The following LRCH1 variants were observed in gnomAD, a reference collection of about 807,000 sequenced individuals.
LRCH1 encodes leucine rich repeats and calponin homology domain containing 1, also known as leucine-rich repeat and calponin homology domain-containing protein 1.
LRCH1 carries 23 observed loss-of-function variants against 94.9 expected under a neutral mutation model. The ratio of observed to expected loss-of-function variants is 0.24; its 90% CI spans 0.17 to 0.34. LRCH1 has a LOEUF of 0.34. Ranked by LOEUF, LRCH1 falls within the 10% of genes least tolerant of loss-of-function variation. The probability of loss-of-function intolerance (pLI) is 1.00; values close to 1 mark genes in which losing one functional copy is unlikely to be tolerated. For missense variants in LRCH1, 790 were observed against 945.9 expected (o/e 0.84, Z 2.16); for synonymous variants, 364 against 354.9 (o/e 1.03, Z -0.29).
At chr13:46,690,826 T>C (rs1870857893) in intron 7 of LRCH1, among the ~76,000 whole-genome samples, 1 of 152,238 alleles carries the variant, frequency 6.6e-6, no homozygotes, top group Non-Finnish European at 1.5e-5. Context: ...TATTTTCACT[T>C]GGTTTGGCAA....
At chr13:46,642,536 A>C (rs1171082801) in intron 1 of LRCH1, among the ~76,000 whole-genome samples, 1 of 152,174 alleles carries the variant, frequency 6.6e-6, no homozygotes, top group Non-Finnish European at 1.5e-5. Flanking sequence ...ATGATGGACA[A>C]CTCAAAATAC....
intron 1 of LRCH1, among the ~76,000 whole-genome samples, chr13:46,635,765 C>G (rs2051079509): frequency 6.6e-6 from 1 of 152,118 alleles, no homozygotes; most frequent in African/African-American, 2.4e-5. Context: ...GCCACCGCAC[C>G]CGGCCCCCTC....
chr13:46,652,456 T>G (rs2051319830), intron 2 of LRCH1, among the ~76,000 whole-genome samples: 1 of 152,124 alleles, frequency 6.6e-6, no homozygotes, highest in Admixed American at 6.5e-5. Flanking sequence ...CTTAACTTCT[T>G]TTTGGTAAAT....
chr13:46,730,069 CAG>C (rs1303435635), intron 18 of LRCH1, among the ~76,000 whole-genome samples: 1 of 152,110 alleles, frequency 6.6e-6, no homozygotes, highest in Non-Finnish European at 1.5e-5. Flanking sequence ...GGAGGAATCA[CAG>C]ATAAACTTGT....
rs1275898894 is a variant in LRCH1 at position 46,553,427 on chromosome 13, T to C, written c.31T>C (p.Phe11Leu). Residue 11 changes from phenylalanine to leucine, a missense_variant, in exon 1 of 20, where the codon TTC becomes CTC. Physicochemically the swap from Phe to Leu is conservative, Grantham distance 22. This residue lies in a region of LRCH1 where 136 missense variants were observed against 143.5 expected (regional missense o/e 0.95). Transcript: ENST00000389797. The part of the protein sequence containing the change: MATPGSEPQP[F>L]VPALSVATLH... ...GACGCCGGGAAGCGAACCCCAACCT[T>C]TCGTCCCGGCCCTTTCGGTAGCTAC... 5 of 1,546,726 alleles carry C rather than the reference T, an allele frequency of 3.2e-6. No homozygotes were observed. The highest frequency in any genetic ancestry group is 3.5e-6 in the Non-Finnish European group (4 of 1,145,974).
chr13:46,685,941 C>T lies in LRCH1; in HGVS notation c.722C>T (p.Ser241Phe). ...CTTTCCTTGGTAAAGTTTGACTTTT[C>T]CTGCAACAAAGTGCTCGTGATTCCA... ...VDLSLVKFDF[S>F]CNKVLVIPIC... Residue 241 changes from serine (S) to phenylalanine (F), a missense_variant, in exon 5 of 20, where the codon TCC becomes TTC. Around this residue, in one of 3 missense-constraint regions of LRCH1, gnomAD observed 194 missense variants for 293.5 expected, o/e 0.66. Coordinates refer to ENST00000389797, the MANE Select transcript of LRCH1 (RefSeq NM_001164211.2). The T allele has an allele frequency of 6.2e-7, 1 of 1,606,154 alleles. No homozygotes were observed. The highest frequency in any genetic ancestry group is 8.5e-7 in the Non-Finnish European group (1 of 1,177,156).
chr13:46,599,017 A>C (rs1402933020), intron 1 of LRCH1, among the ~76,000 whole-genome samples: 2 of 152,198 alleles, frequency 1.3e-5, no homozygotes, highest in Non-Finnish European at 2.9e-5. Context: ...AGCCCCTGGA[A>C]ACCACCATTC....
At chr13:46,691,846 C>A (rs538493605) in intron 7 of LRCH1, among the ~76,000 whole-genome samples, 1 of 152,136 alleles carries the variant, frequency 6.6e-6, no homozygotes. Context: ...TGTGCCACCA[C>A]GCCCAGCTAA....
At chr13:46,650,737 A>G (rs1373932089) in intron 2 of LRCH1, among the ~76,000 whole-genome samples, 3 of 147,442 alleles carry the variant, frequency 2.0e-5, no homozygotes, top group African/African-American at 7.4e-5. Context: ...AAAAAAAAAA[A>G]AAAAAGAGAA....
At chr13:46,705,630 G>A in intron 13 of LRCH1, 1 of 468,200 alleles carries the variant, frequency 2.1e-6, no homozygotes, top group East Asian at 4.3e-5. Flanking sequence ...GAACCTGGAG[G>A]AGGACCATTC....
chr13:46,721,265 C>T (rs1488264949), intron 16 of LRCH1, among the ~76,000 whole-genome samples: 1 of 152,042 alleles, frequency 6.6e-6, no homozygotes, highest in Non-Finnish European at 1.5e-5. Flanking sequence ...AAGATTACCC[C>T]CAGAAAAAAG....
In LRCH1 at chr13:46,744,889, T is replaced by G. The variant is rs747208381; in HGVS notation, c.*3041T>G. ...AATTAGTTCTCAATAAACAATCAAT[T>G]TGGTATATAGAATGTGCCCTTTTTT... is the stretch of plus-strand genomic sequence containing the variant. On this transcript the variant is annotated 3_prime_UTR_variant, in exon 20 of 20. Coordinates refer to ENST00000389797, the MANE Select transcript of LRCH1 (RefSeq NM_001164211.2). 6 of 984,912 alleles carry G rather than the reference T, an allele frequency of 6.1e-6. No homozygotes were observed. The highest frequency in any genetic ancestry group is 7.2e-6 in the Non-Finnish European group (6 of 829,664). 61.0% of individuals were successfully genotyped at this position (984,912 alleles called of 1,614,324 possible).
intron 1 of LRCH1, among the ~76,000 whole-genome samples, chr13:46,564,128 G>T (rs1385031936): frequency 2.0e-5 from 3 of 152,188 alleles, no homozygotes; most frequent in Non-Finnish European, 4.4e-5. Flanking sequence ...GACTGCATGT[G>T]GTTTGAGGGA....
At chr13:46,709,951 T>C (rs998424625) in intron 13 of LRCH1, among the ~76,000 whole-genome samples, 1 of 152,206 alleles carries the variant, frequency 6.6e-6, no homozygotes, top group Admixed American at 6.5e-5. Context: ...ATATGATCCT[T>C]ACTTATGATT....
At chr13:46,686,952 ATTTTTTTT>A (rs71077916) in intron 5 of LRCH1, among the ~76,000 whole-genome samples, 5 of 85,438 alleles carry the variant, frequency 5.9e-5, no homozygotes, top group African/African-American at 1.9e-4. Context: ...GAGTATATTG[ATTTTTTTT>A]TTTTTTTTTT....
At chr13:46,597,483 A>G (rs1028626572) in intron 1 of LRCH1, among the ~76,000 whole-genome samples, 1 of 152,014 alleles carries the variant, frequency 6.6e-6, no homozygotes, top group Non-Finnish European at 1.5e-5. Flanking sequence ...CAGCCTCTCA[A>G]GTAGCTGGGG....
intron 11 of LRCH1, 125 bp downstream of exon 11, chr13:46,701,332 A>G (rs1455749215): frequency 1.5e-5 from 9 of 607,044 alleles, no homozygotes; most frequent in Non-Finnish European, 2.6e-5. Context: ...ACTAACAAAG[A>G]AAAGTCATGT....
At chr13:46,651,555 C>G (rs2051298771) in intron 2 of LRCH1, among the ~76,000 whole-genome samples, 1 of 151,442 alleles carries the variant, frequency 6.6e-6, no homozygotes, top group Admixed American at 6.6e-5. Context: ...AGCTACTCAA[C>G]GAAGCTGAGG....
intron 8 of LRCH1, 108 bp downstream of exon 8, chr13:46,692,749 C>G: frequency 1.3e-6 from 1 of 776,626 alleles, no homozygotes; most frequent in Non-Finnish European, 2.1e-6. Context: ...AGAGTATGTC[C>G]TATGTACCAG....
Sources: allele counts gnomAD v4.1 joint callset (sites outside exome capture counted in the v4.1 genomes callset), GRCh38; gene constraint gnomAD v4.1.1; regional missense constraint gnomAD v4.1.1; transcripts MANE v1.5; gene names NCBI Gene and HGNC (gene_info 2026-07-23, HGNC 2026-07-21).